Variants in BCL2L14 observed in about 807,000 individuals in gnomAD.
BCL2L14 encodes BCL2 like 14, also known as apoptosis facilitator Bcl-2-like protein 14.
In BCL2L14, 27 loss-of-function variants were observed where a neutral mutation model predicts 35.3. The observed-to-expected ratio is 0.76, with a 90% CI of 0.56 to 1.05. The LOEUF is 1.05. BCL2L14 is among the 50% of genes least tolerant of loss of function. The probability of loss-of-function intolerance (pLI) is 0.00; values close to 1 mark genes in which losing one functional copy is unlikely to be tolerated. For synonymous variants in BCL2L14, 139 were observed against 145.9 expected (o/e 0.95, Z 0.34); for missense variants, 377 against 382.6 (o/e 0.99, Z 0.12).
In BCL2L14 at chr12:12,061,389, C is replaced by G. The variant is rs563109517; in HGVS notation, c.-272+9542C>G. On this transcript the variant is annotated intron_variant, in intron 2 of 3. Transcript: ENST00000461264. ...TCAATGCCAAGATCCCATCCCACAG[C>G]ACGCTTTAAAAGGATTAAAGCCTGT... Among the ~76,000 whole-genome samples, 1,415 of 151,924 alleles carry G rather than the reference C, an allele frequency of 9.3e-3. 22 individuals are homozygous for G. The highest frequency in any genetic ancestry group is 0.014 in the Middle Eastern group (4 of 294).
chr12:12,076,906 A>G (rs1263004434), intron 1 of BCL2L14, among the ~76,000 whole-genome samples: 3 of 152,166 alleles, frequency 2.0e-5, no homozygotes, highest in Non-Finnish European at 4.4e-5. Context: ...TCCTTATTCT[A>G]TCTAACAACT....
chr12:12,059,837 A>G (rs1000965848), intron 2 of BCL2L14, among the ~76,000 whole-genome samples: 2 of 152,186 alleles, frequency 1.3e-5, no homozygotes, highest in African/African-American at 2.4e-5. Flanking sequence ...GCCAGAAAAC[A>G]GCACTTTCAA....
intron 1 of BCL2L14, among the ~76,000 whole-genome samples, chr12:12,050,809 AAAAAG>A (rs543033559): frequency 1.0e-3 from 141 of 134,554 alleles, no homozygotes; most frequent in Non-Finnish European, 1.6e-3. Context: ...AAAAAAAAAA[AAAAAG>A]AAAAGAAAAG....
intron 2 of BCL2L14, among the ~76,000 whole-genome samples, chr12:12,083,331 G>A (rs1024106800): frequency 3.0e-4 from 45 of 152,100 alleles, no homozygotes; most frequent in African/African-American, 1.0e-3. Flanking sequence ...CCTCAGTACC[G>A]GGCTTACATG....
chr12:12,095,573 G>A, intron 5 of BCL2L14: 1 of 985,238 alleles, frequency 1.0e-6, no homozygotes, highest in Non-Finnish European at 1.2e-6. Flanking sequence ...GCTACATAAG[G>A]TCCACCGTGT....
intron 1 of BCL2L14, among the ~76,000 whole-genome samples, chr12:12,073,595 T>TGCAC (rs1446512627): frequency 6.7e-6 from 1 of 150,142 alleles, no homozygotes; most frequent in Non-Finnish European, 1.5e-5. Flanking sequence ...CAAACATGCA[T>TGCAC]GCACGCGCAC....
At chr12:12,059,865 A>G (rs1948494776) in intron 2 of BCL2L14, among the ~76,000 whole-genome samples, 1 of 152,116 alleles carries the variant, frequency 6.6e-6, no homozygotes, top group Non-Finnish European at 1.5e-5. Context: ...ATCCTACAAG[A>G]TCTAAATAAT....
At position 12,079,351 on chromosome 12, in the gene BCL2L14, G is replaced by C. The variant is rs370415348; in HGVS notation, c.46G>C (p.Asp16His). 20 of 1,614,064 alleles carry C rather than the reference G, an allele frequency of 1.2e-5. No homozygotes were observed. The Admixed American group carries it at 2.2e-4, about 17-fold the overall frequency. ...GCDLEEIPLD[D>H]DDLNTIEFKI... ...TGACCTGGAAGAAATCCCCCTAGAT[G>C]ATGATGACCTAAACACCATAGAATT... Residue 16 changes from aspartate to histidine, a missense_variant, in exon 2 of 6, where the codon GAT becomes CAT. Asp to His is a moderately conservative substitution (Grantham distance 81). Coordinates refer to ENST00000308721, the MANE Select transcript of BCL2L14 (RefSeq NM_138723.2).
chr12:12,061,321 C>A (rs1190730303), intron 2 of BCL2L14, among the ~76,000 whole-genome samples: 2 of 151,542 alleles, frequency 1.3e-5, no homozygotes, highest in Non-Finnish European at 1.5e-5. Context: ...ACCAATCACA[C>A]ACCCCTTACC....
chr12:12,061,507 A>G (rs61923178), intron 2 of BCL2L14, among the ~76,000 whole-genome samples: 6,910 of 21,778 alleles, frequency 0.32, 175 homozygotes, highest in Middle Eastern at 0.56. Context: ...GACAAGCCTT[A>G]CAAGTTAGTT....
At chr12:12,059,294 C>G (rs139707601) in intron 2 of BCL2L14, among the ~76,000 whole-genome samples, 1,547 of 151,794 alleles carry the variant, frequency 0.01, 26 homozygotes, top group African/African-American at 0.036. Context: ...TGTCTCTACC[C>G]CTTCTCCACC....
intron 2 of BCL2L14, among the ~76,000 whole-genome samples, chr12:12,084,044 T>C (rs1238276685): frequency 6.6e-6 from 1 of 152,166 alleles, no homozygotes; most frequent in Non-Finnish European, 1.5e-5. Context: ...CATGTCTACA[T>C]CTCAGGCAAG....
chr12:12,097,899 G>A (rs1029791418), intron 5 of BCL2L14, among the ~76,000 whole-genome samples: 1 of 151,934 alleles, frequency 6.6e-6, no homozygotes, highest in Non-Finnish European at 1.5e-5. Context: ...TTTAACATCT[G>A]TAGTTTCAAT....
rs1258768035 is a variant in BCL2L14, at chr12:12,075,425, C to CT, written c.-7-3871dup. On this transcript the variant is annotated intron_variant, in intron 1 of 5. Coordinates refer to ENST00000308721, the MANE Select transcript of BCL2L14 (RefSeq NM_138723.2). ...ATATGTTTCTATTCTTTCTTTCTTT[C>CT]TTTCTTTCTTTTTTTTTTGAGACGG... Among the ~76,000 whole-genome samples, 1,142 of 134,106 alleles carry CT rather than the reference C, an allele frequency of 8.5e-3. 13 individuals carry two copies. The highest frequency in any genetic ancestry group is 0.011 in the Non-Finnish European group (691 of 61,446). The allele number at this position is 134,106 out of a possible 152,430, so 88.0% of individuals were successfully genotyped here. A position where few individuals can be genotyped will look rare whatever the true frequency, so the allele number is the denominator to read the frequency against.
upstream of BCL2L14, among the ~76,000 whole-genome samples, chr12:12,069,442 G>A (rs1418050120): frequency 6.6e-6 from 1 of 152,024 alleles, no homozygotes; most frequent in East Asian, 1.9e-4. Flanking sequence ...GCTCACGCCT[G>A]TAATCCCAGC....
chr12:12,069,166 A>C (rs1184969084), upstream of BCL2L14, among the ~76,000 whole-genome samples: 15 of 152,070 alleles, frequency 9.9e-5, no homozygotes. Flanking sequence ...GCTTTACTAC[A>C]TGTCATTTTA....
chr12:12,081,021 C>CA (rs919412658), intron 2 of BCL2L14, among the ~76,000 whole-genome samples: 8 of 151,800 alleles, frequency 5.3e-5, no homozygotes, highest in Non-Finnish European at 8.8e-5. Context: ...CTGTCTCTAC[C>CA]AAAAAATACA....
At chr12:12,079,971 A>G (rs188431021) in intron 2 of BCL2L14, among the ~76,000 whole-genome samples, 2,318 of 152,016 alleles carry the variant, frequency 0.015, 53 homozygotes, top group African/African-American at 0.051. Flanking sequence ...CTGGGAGGCC[A>G]AGGCGGGTGG....
chr12:12,092,976 G>A (rs535380581), intron 4 of BCL2L14, among the ~76,000 whole-genome samples: 4 of 152,078 alleles, frequency 2.6e-5, no homozygotes, highest in Non-Finnish European at 4.4e-5. Flanking sequence ...AGAAATTTCC[G>A]TTTTCACATG....
Sources: gnomAD v4.1 joint callset for allele counts (sites outside exome capture counted in the v4.1 genomes callset) on GRCh38, gnomAD v4.1.1 for gene constraint, MANE v1.5 for transcripts, NCBI Gene and HGNC (gene_info 2026-07-23, HGNC 2026-07-21) for gene names.